Variants in FBN2 observed in about 807,000 individuals in gnomAD.
FBN2 encodes fibrillin-2.
FBN2 carries 105 observed loss-of-function variants against 355.6 expected under a neutral mutation model. The observed-to-expected ratio is 0.30, with a 90% confidence interval of 0.25 to 0.35. FBN2 has a LOEUF of 0.35. Ranked by LOEUF, FBN2 falls within the 10% of genes least tolerant of loss-of-function variation. The pLI is 1.00. For synonymous variants in FBN2, 1,350 were observed against 1,301.2 expected (o/e 1.04, Z -0.81); for missense variants, 3,280 against 3,758.7 (o/e 0.87, Z 3.33).
At chr5:128,350,252 A>G (rs1581234394) in intron 21 of FBN2, among the ~76,000 whole-genome samples, 1 of 152,180 alleles carries the variant, frequency 6.6e-6, no homozygotes, top group East Asian at 1.9e-4. Flanking sequence ...TTGCTGTCAC[A>G]TTGACAACTG....
At chr5:128,408,258 T>A (rs1350071146) in intron 8 of FBN2, among the ~76,000 whole-genome samples, 2 of 152,208 alleles carry the variant, frequency 1.3e-5, no homozygotes, top group African/African-American at 2.4e-5. Flanking sequence ...TTTGAATATA[T>A]TTAAACACAA....
intron 34 of FBN2, among the ~76,000 whole-genome samples, chr5:128,327,918 G>A (rs938630156): frequency 6.6e-6 from 1 of 152,174 alleles, no homozygotes; most frequent in Non-Finnish European, 1.5e-5. Context: ...GAATATAGGC[G>A]TGAGCCACCA....
intron 55 of FBN2, among the ~76,000 whole-genome samples, chr5:128,285,002 T>TA (rs1327789388): frequency 6.6e-6 from 1 of 152,132 alleles, no homozygotes; most frequent in Non-Finnish European, 1.5e-5. Context: ...ATGATCTTGG[T>TA]AAAAAAATGT....
chr5:128,465,249 T>G (rs1003113379), intron 5 of FBN2, among the ~76,000 whole-genome samples: 1 of 152,190 alleles, frequency 6.6e-6, no homozygotes, highest in African/African-American at 2.4e-5. Flanking sequence ...ACATGAAATT[T>G]GTATTTCTGG....
intron 5 of FBN2, among the ~76,000 whole-genome samples, chr5:128,509,130 T>A (rs1001908830): frequency 2.0e-5 from 3 of 152,112 alleles, no homozygotes; most frequent in African/African-American, 7.2e-5. Context: ...TGTCAGTTTA[T>A]AGCATTTATC....
chr5:128,268,208 C>T (rs1264396803), intron 62 of FBN2, among the ~76,000 whole-genome samples: 3 of 152,188 alleles, frequency 2.0e-5, no homozygotes, highest in Non-Finnish European at 4.4e-5. Flanking sequence ...ACTGATCACA[C>T]AGAAATACAA....
intron 8 of FBN2, among the ~76,000 whole-genome samples, chr5:128,402,983 TCTC>T (rs1356290733): frequency 6.6e-6 from 1 of 152,192 alleles, no homozygotes; most frequent in African/African-American, 2.4e-5. Context: ...AAGGAAAACT[TCTC>T]CTTCTAACAC....
chr5:128,465,288 C>A (rs1252106819), intron 5 of FBN2, among the ~76,000 whole-genome samples: 2 of 152,134 alleles, frequency 1.3e-5, no homozygotes, highest in East Asian at 1.9e-4. Context: ...AAGTTCTGGT[C>A]ATGCTAGACC....
intron 61 of FBN2, among the ~76,000 whole-genome samples, 164 bp from the exon 62 acceptor site, chr5:128,272,282 C>T (rs1197815295): frequency 6.6e-6 from 1 of 151,950 alleles, no homozygotes; most frequent in Non-Finnish European, 1.5e-5. Flanking sequence ...GGTTATTAGT[C>T]AGTGGTGGTG....
chr5:128,457,829 G>C lies in FBN2; in HGVS notation c.826+6895C>G, dbSNP rs188433410. 3.3e-3 allele frequency among the ~76,000 whole-genome samples: 495 copies of C among 149,836 alleles called. 3 individuals carry two copies. Among genetic ancestry groups the C allele is most frequent in the Middle Eastern group, 6.8e-3 (2 of 292 alleles). On this transcript the variant is annotated intron_variant, in intron 6 of 64. Transcript: ENST00000262464. Reference sequence around the variant, plus strand: ...CACTAAATATGGAAAGGAAAAACCAGTACCAGACACTGCAAAAAAAAAAAA... The same window carrying C: ...CACTAAATATGGAAAGGAAAAACCACTACCAGACACTGCAAAAAAAAAAAA...
Position 128,338,036 on chromosome 5 carries a change from G to T in FBN2, c.3559C>A (p.Leu1187Met), listed in dbSNP as rs375710546. ...CGGGATGGTGACAGCTCGTGTCCCAGTGGGCAGTCACACTGAAAGCTGCCC... is the reference window on the plus strand; with the variant it reads ...CGGGATGGTGACAGCTCGTGTCCCATTGGGCAGTCACACTGAAAGCTGCCC... ...TEGSFQCDCP[L>M]GHELSPSRED... The change falls in exon 27 of 65, where the codon CTG becomes ATG. Residue 1187 changes from leucine (L) to methionine (M), a missense_variant. Around this residue, in one of 6 missense-constraint regions of FBN2, gnomAD observed 2,284 missense variants for 2,749.5 expected, o/e 0.83. Transcript: ENST00000262464. 6 of 1,614,024 alleles carry T rather than the reference G, an allele frequency of 3.7e-6. No individual in the cohort carries two copies. The highest frequency in any genetic ancestry group is 5.1e-6 in the Non-Finnish European group (6 of 1,179,980).
chr5:128,304,078 C>T (rs1337338201), intron 45 of FBN2, among the ~76,000 whole-genome samples: 1 of 152,166 alleles, frequency 6.6e-6, no homozygotes, highest in African/African-American at 2.4e-5. Flanking sequence ...TGAAGGAAAC[C>T]AGTCCTGCAG....
At chr5:128,451,444 G>C (rs1484286935) in intron 6 of FBN2, among the ~76,000 whole-genome samples, 10 of 152,038 alleles carry the variant, frequency 6.6e-5, no homozygotes, top group Admixed American at 2.6e-4. Context: ...CTGTTGCCCA[G>C]GTTGGAGTGC....
chr5:128,527,065 C>T (rs1455197824), intron 4 of FBN2, among the ~76,000 whole-genome samples: 2 of 152,046 alleles, frequency 1.3e-5, no homozygotes, highest in Non-Finnish European at 1.5e-5. Flanking sequence ...TAGTCTACAT[C>T]AGGTAAAAAT....
chr5:128,261,592 C>A (rs1032542828), intron 64 of FBN2, 144 bp downstream of exon 64: 1 of 760,990 alleles, frequency 1.3e-6, no homozygotes, highest in Non-Finnish European at 2.3e-6. Flanking sequence ...ATTTACTTGT[C>A]TTTTCCATAC....
In FBN2 at chr5:128,395,234, G is replaced by A; in HGVS notation, c.1119C>T (p.Gly373=). The change falls in exon 9 of 65, where the codon GGC becomes GGT. Residue 373 remains glycine (G), a synonymous_variant. Coordinates refer to ENST00000262464, the MANE Select transcript of FBN2 (RefSeq NM_001999.4). ...TCCCCGGGAGCTCTTGTGCACAGCG[G>A]CCATTCACCAGGCCCGAGAAACACA... ...TGMCFSGLVN[G]RCAQELPGRM... 6.2e-7 allele frequency: 1 copy of A among 1,614,044 alleles called. No individual in the cohort carries two copies.
In FBN2 at chr5:128,431,422, T is replaced by C. The variant is rs189452659; in HGVS notation, c.952+15059A>G. Among the ~76,000 whole-genome samples, 93 of 152,322 alleles carry C rather than the reference T, an allele frequency of 6.1e-4. 1 individual carries two copies. Among genetic ancestry groups the C allele is most frequent in the Admixed American group, 2.5e-3 (39 of 15,300 alleles). ...CAGGAACACGTTTTTGTTCACGTCT[T>C]CTACCCACAAATTTCGTGCTTTTTC... On this transcript the variant is annotated intron_variant, in intron 7 of 64. Coordinates refer to ENST00000262464, the MANE Select transcript of FBN2 (RefSeq NM_001999.4).
intron 16 of FBN2, among the ~76,000 whole-genome samples, chr5:128,366,929 C>T (rs1751787671): frequency 6.6e-6 from 1 of 152,102 alleles, no homozygotes; most frequent in African/African-American, 2.4e-5. Flanking sequence ...AGTAACTTGA[C>T]CAAAGTCACA....
intron 7 of FBN2, among the ~76,000 whole-genome samples, chr5:128,437,115 C>T (rs997532023): frequency 6.6e-6 from 1 of 152,182 alleles, no homozygotes; most frequent in Admixed American, 6.5e-5. Context: ...CCAAATGACT[C>T]GCTCCAGGGT....
Sources: gnomAD v4.1 joint callset for allele counts (sites outside exome capture counted in the v4.1 genomes callset) on GRCh38, gnomAD v4.1.1 for gene constraint, gnomAD v4.1.1 regional missense constraint, MANE v1.5 for transcripts, NCBI Gene and HGNC (gene_info 2026-07-23, HGNC 2026-07-21) for gene names.